TAPT1: variants seen among roughly 807,000 people sequenced by gnomAD.
TAPT1 encodes transmembrane anterior posterior transformation protein 1 homolog.
Under a neutral mutation model 65.6 loss-of-function variants are expected in TAPT1, and 28 were observed. The ratio of observed to expected loss-of-function variants is 0.43; its 90% CI spans 0.32 to 0.59. The LOEUF is 0.59. TAPT1 is among the 20% of genes least tolerant of loss of function. The pLI is 0.09. For missense variants in TAPT1, 563 were observed against 679.9 expected, an observed-to-expected ratio of 0.83 and a Z score of 1.91; for synonymous variants, 278 against 245.2, an observed-to-expected ratio of 1.13 and a Z score of -1.25.
chr4:16,174,552 A>G, intron 10 of TAPT1, 118 bp downstream of exon 10: 1 of 870,464 alleles, frequency 1.1e-6, no homozygotes, highest in Non-Finnish European at 1.7e-6. Flanking sequence ...AATAGAGATC[A>G]GTAGGCAGTT....
At chr4:16,201,194 CTGAT>C (rs1170848004) in intron 3 of TAPT1, among the ~76,000 whole-genome samples, 1 of 152,028 alleles carries the variant, frequency 6.6e-6, no homozygotes, top group East Asian at 1.9e-4. Context: ...TCTATCAAAA[CTGAT>C]TGTCTTATTT....
At chr4:16,174,056 A>G (rs1334101364) in intron 11 of TAPT1, 148 bp downstream of exon 11, 3 of 648,816 alleles carry the variant, frequency 4.6e-6, no homozygotes, top group South Asian at 2.4e-5. Flanking sequence ...AGCTACTGCT[A>G]TAATTTAAAA....
chr4:16,184,245 C>A (rs1748873867), intron 7 of TAPT1, among the ~76,000 whole-genome samples: 1 of 152,196 alleles, frequency 6.6e-6, no homozygotes, highest in Non-Finnish European at 1.5e-5. Flanking sequence ...TGATCATAAA[C>A]TTCATATAAA....
At chr4:16,218,449 C>T (rs987784157) in intron 1 of TAPT1, among the ~76,000 whole-genome samples, 1 of 152,164 alleles carries the variant, frequency 6.6e-6, no homozygotes, top group East Asian at 1.9e-4. Flanking sequence ...ACAATGGTGT[C>T]TTCTCTGGTG....
intron 1 of TAPT1, among the ~76,000 whole-genome samples, chr4:16,219,824 T>C (rs1751148165): frequency 6.6e-6 from 1 of 152,226 alleles, no homozygotes; most frequent in South Asian, 2.1e-4. Flanking sequence ...GAGAGACTTG[T>C]CCAAAGTCAT....
intron 13 of TAPT1, among the ~76,000 whole-genome samples, chr4:16,164,459 C>T (rs895824879): frequency 1.3e-5 from 2 of 152,204 alleles, no homozygotes; most frequent in African/African-American, 2.4e-5. Context: ...TGAGCAAACA[C>T]TCAGGTCGTC....
At chr4:16,222,603 AACTG>A (rs1172906841) in intron 1 of TAPT1, among the ~76,000 whole-genome samples, 5 of 152,222 alleles carry the variant, frequency 3.3e-5, no homozygotes, top group Non-Finnish European at 7.3e-5. Context: ...TGTAAGAAGA[AACTG>A]ACAAATTTTC....
At chr4:16,225,783 C>T in intron 1 of TAPT1, 1 of 617,726 alleles carries the variant, frequency 1.6e-6, no homozygotes, top group African/African-American at 2.0e-5. Context: ...ACTACCACAC[C>T]GTCAGCTGTC....
At chr4:16,215,601 T>C (rs1241951987) in intron 1 of TAPT1, among the ~76,000 whole-genome samples, 1 of 152,186 alleles carries the variant, frequency 6.6e-6, no homozygotes, top group Non-Finnish European at 1.5e-5. Context: ...GCAGACTTCT[T>C]TCCACCTTTG....
intron 4 of TAPT1, among the ~76,000 whole-genome samples, chr4:16,189,039 C>A (rs930771795): frequency 6.6e-6 from 1 of 152,140 alleles, no homozygotes; most frequent in Non-Finnish European, 1.5e-5. Context: ...CTACTCATAT[C>A]TAATATTTGT....
chr4:16,216,079 T>C (rs1750927107), intron 1 of TAPT1: 2 of 152,184 alleles, frequency 1.3e-5, no homozygotes, highest in Non-Finnish European at 2.9e-5. Context: ...CTGACCTTAG[T>C]GAACTCTGAA....
At chr4:16,163,581 C>T in intron 13 of TAPT1, 44 bp from the exon 14 acceptor site, 1 of 1,436,284 alleles carries the variant, frequency 7.0e-7, no homozygotes, top group Non-Finnish European at 9.6e-7. Context: ...GACTTTTCTC[C>T]AATTATTAAT....
At chr4:16,186,331 C>T (rs2149687043) in intron 7 of TAPT1, among the ~76,000 whole-genome samples, 1 of 152,296 alleles carries the variant, frequency 6.6e-6, no homozygotes, top group Admixed American at 6.5e-5. Context: ...TATGGTGCTA[C>T]ACAAATGTTT....
chr4:16,197,368 A>T (rs1423859574), intron 3 of TAPT1, among the ~76,000 whole-genome samples: 1 of 152,216 alleles, frequency 6.6e-6, no homozygotes, highest in African/African-American at 2.4e-5. Flanking sequence ...ACTTTCTAAA[A>T]TGTTTCAGTA....
At chr4:16,164,780 A>G (rs1384423107) in intron 13 of TAPT1, among the ~76,000 whole-genome samples, 1 of 152,194 alleles carries the variant, frequency 6.6e-6, no homozygotes, top group East Asian at 1.9e-4. Context: ...TACAGGCCCC[A>G]CTATGAATTA....
At chr4:16,172,583 A>C (rs1710892673) in intron 11 of TAPT1, among the ~76,000 whole-genome samples, 1 of 152,172 alleles carries the variant, frequency 6.6e-6, no homozygotes, top group African/African-American at 2.4e-5. Context: ...CAAGCTATTA[A>C]TATAATTAAA....
In TAPT1 at chr4:16,162,713, T is replaced by TA. The variant is rs1747336964; in HGVS notation, c.*594dup. The TA allele has an allele frequency of 6.2e-6, 1 of 160,370 alleles. No individual in the cohort carries two copies. The highest frequency in any genetic ancestry group is 1.8e-4 in the East Asian group (1 of 5,448). 9.9% of individuals were successfully genotyped at this position (160,370 alleles called of 1,614,324 possible). On this transcript the variant is annotated 3_prime_UTR_variant, in exon 14 of 14. Transcript: ENST00000405303. ...AATAAACTAGTTTAGCATTTTTTTT[T>TA]AACCCTACAAAATGCTACTATTCAT...
upstream of TAPT1, chr4:16,226,548 G>T: frequency 1.2e-6 from 1 of 855,982 alleles, no homozygotes; most frequent in Admixed American, 6.1e-5. Flanking sequence ...CCTCGCCGGA[G>T]CCCGAGCCGC....
At chr4:16,170,532 T>C in intron 12 of TAPT1, 121 bp downstream of exon 12, 1 of 607,734 alleles carries the variant, frequency 1.6e-6, no homozygotes, top group Non-Finnish European at 3.0e-6. Context: ...GAGGTATAGC[T>C]GTTGAATGGA....
Sources: gnomAD v4.1 joint callset for allele counts (sites outside exome capture counted in the v4.1 genomes callset) on GRCh38, gnomAD v4.1.1 for gene constraint, MANE v1.5 for transcripts, NCBI Gene and HGNC (gene_info 2026-07-23, HGNC 2026-07-21) for gene names.